The following RIT2 variants were observed in gnomAD, a reference collection of about 807,000 sequenced individuals.
RIT2 encodes Ras like without CAAX 2.
Under a neutral mutation model 23.7 loss-of-function variants are expected in RIT2, and 24 were observed. The observed-to-expected ratio is 1.01, with a 90% CI of 0.73 to 1.43. RIT2 has a LOEUF of 1.43. RIT2 is among the 40% of genes most tolerant of loss of function. RIT2 has a pLI of 0.00. For missense variants in RIT2, 236 were observed against 266.9 expected, an observed-to-expected ratio of 0.88 and a Z score of 0.81; for synonymous variants, 107 against 91.1, an observed-to-expected ratio of 1.17 and a Z score of -0.99.
chr18:42,791,734 T>A (rs1268110434), intron 4 of RIT2, among the ~76,000 whole-genome samples: 5 of 152,248 alleles, frequency 3.3e-5, no homozygotes, highest in Admixed American at 6.5e-5. Flanking sequence ...GTTCTTTTAA[T>A]CTATTCCTGT....
intron 2 of RIT2, among the ~76,000 whole-genome samples, chr18:42,989,672 G>T (rs936169102): frequency 1.3e-5 from 2 of 152,172 alleles, no homozygotes; most frequent in African/African-American, 4.8e-5. Context: ...CATGGTTACT[G>T]TGTTGGCCAA....
At chr18:42,781,750 C>A (rs1913816273) in intron 4 of RIT2, among the ~76,000 whole-genome samples, 1 of 152,184 alleles carries the variant, frequency 6.6e-6, no homozygotes, top group Admixed American at 6.5e-5. Flanking sequence ...ATTATTTGCA[C>A]ACTTGCATTA....
chr18:43,034,411 C>T (rs1911929119), intron 1 of RIT2, among the ~76,000 whole-genome samples: 1 of 152,010 alleles, frequency 6.6e-6, no homozygotes, highest in African/African-American at 2.4e-5. Flanking sequence ...ACCACCTTTT[C>T]TTCATTACTT....
chr18:42,850,384 G>T (rs940545539), intron 4 of RIT2, among the ~76,000 whole-genome samples: 2 of 152,124 alleles, frequency 1.3e-5, no homozygotes, highest in African/African-American at 4.8e-5. Context: ...TTTATGCACG[G>T]TTAATGGATT....
chr18:43,093,508 T>G (rs1913473948), intron 1 of RIT2, among the ~76,000 whole-genome samples: 1 of 121,086 alleles, frequency 8.3e-6, no homozygotes. Context: ...TCCCCCTTTG[T>G]TTTTTGTAAC....
chr18:42,837,850 A>G (rs746235494), intron 4 of RIT2, among the ~76,000 whole-genome samples: 1 of 152,194 alleles, frequency 6.6e-6, no homozygotes, highest in Non-Finnish European at 1.5e-5. Flanking sequence ...TGGAAGCAGA[A>G]CACTCTCGGT....
intron 1 of RIT2, among the ~76,000 whole-genome samples, chr18:43,080,061 G>C (rs12604781): frequency 0.11 from 16,115 of 152,182 alleles, 1,164 homozygotes; most frequent in East Asian, 0.36. Context: ...TTAAATTTCA[G>C]TCAGTATTCT....
intron 3 of RIT2, among the ~76,000 whole-genome samples, chr18:42,941,822 G>C (rs1482710020): frequency 6.6e-6 from 1 of 151,964 alleles, no homozygotes; most frequent in African/African-American, 2.4e-5. Context: ...TTTTATTCCA[G>C]TTAATTTTAT....
intron 1 of RIT2, among the ~76,000 whole-genome samples, chr18:43,113,353 C>T (rs1913996265): frequency 6.6e-6 from 1 of 152,126 alleles, no homozygotes; most frequent in Non-Finnish European, 1.5e-5. Flanking sequence ...ATAATCAATA[C>T]AACTGAGCTG....
At chr18:42,904,110 T>C (rs1908550090) in intron 4 of RIT2, among the ~76,000 whole-genome samples, 1 of 152,216 alleles carries the variant, frequency 6.6e-6, no homozygotes, top group Admixed American at 6.6e-5. Context: ...CATACAAGAA[T>C]TTCTTTGTAT....
intron 4 of RIT2, among the ~76,000 whole-genome samples, chr18:42,833,124 A>G (rs1906506642): frequency 6.7e-6 from 1 of 150,186 alleles, no homozygotes; most frequent in African/African-American, 2.4e-5. Context: ...ATTAACATAC[A>G]TTTATTCATC....
intron 4 of RIT2, among the ~76,000 whole-genome samples, chr18:42,789,460 T>C (rs1236200420): frequency 1.3e-5 from 2 of 152,236 alleles, no homozygotes; most frequent in Non-Finnish European, 2.9e-5. Context: ...TTCTGGTCCA[T>C]GAGCATGTGA....
At chr18:42,784,839 A>G (rs1913889457) in intron 4 of RIT2, among the ~76,000 whole-genome samples, 1 of 152,052 alleles carries the variant, frequency 6.6e-6, no homozygotes. Context: ...TGCACTTTGA[A>G]TTCAAACAGA....
chr18:43,057,325 C>G (rs1308734251), intron 1 of RIT2, among the ~76,000 whole-genome samples: 1 of 152,118 alleles, frequency 6.6e-6, no homozygotes, highest in Non-Finnish European at 1.5e-5. Flanking sequence ...CCTTGGCTTT[C>G]TCAAAGTGAA....
chr18:43,050,930 A>T (rs1261892824), intron 1 of RIT2, among the ~76,000 whole-genome samples: 7 of 152,116 alleles, frequency 4.6e-5, no homozygotes, highest in Non-Finnish European at 1.0e-4. Flanking sequence ...TTTTCAATAA[A>T]CTGGTAAACA....
At chr18:42,987,006 T>C (rs1209231426) in intron 2 of RIT2, among the ~76,000 whole-genome samples, 1 of 152,176 alleles carries the variant, frequency 6.6e-6, no homozygotes, top group Non-Finnish European at 1.5e-5. Context: ...ACTTTTATAA[T>C]ACTGCAGATG....
intron 4 of RIT2, among the ~76,000 whole-genome samples, chr18:42,761,401 A>G (rs753322068): frequency 1.3e-5 from 2 of 152,200 alleles, no homozygotes; most frequent in Non-Finnish European, 2.9e-5. Context: ...GTCTATTATT[A>G]CAAGTAACAT....
chr18:42,796,169 T>A (rs1905349625), intron 4 of RIT2, among the ~76,000 whole-genome samples: 3 of 152,128 alleles, frequency 2.0e-5, no homozygotes, highest in South Asian at 2.1e-4. Context: ...TTATGAGCTG[T>A]AACACTCACG....
At chr18:43,099,824 C>T (rs185826557) in intron 1 of RIT2, among the ~76,000 whole-genome samples, 9 of 152,206 alleles carry the variant, frequency 5.9e-5, no homozygotes, top group African/African-American at 1.7e-4. Flanking sequence ...CAACGCTCTC[C>T]TATCAATCAC....
Sources: allele counts gnomAD v4.1 joint callset (sites outside exome capture counted in the v4.1 genomes callset), GRCh38; gene constraint gnomAD v4.1.1; transcripts MANE v1.5; gene names NCBI Gene and HGNC (gene_info 2026-07-23, HGNC 2026-07-21).